TTC29: variants seen among roughly 807,000 people sequenced by gnomAD.
TTC29 encodes tetratricopeptide repeat domain 29, also known as tetratricopeptide repeat protein 29.
A neutral mutation model predicts 58.1 loss-of-function variants in TTC29; 49 were observed. The ratio of observed to expected loss-of-function variants is 0.84; its 90% CI spans 0.67 to 1.07. The LOEUF (loss-of-function observed/expected upper bound fraction) is 1.07. TTC29 is among the 50% of genes least tolerant of loss of function. The pLI is 0.00. For missense variants in TTC29, 582 were observed against 555.6 expected (o/e 1.05, Z -0.48); for synonymous variants, 209 against 196.8 (o/e 1.06, Z -0.52).
chr4:146,905,132 T>C lies in TTC29; in HGVS notation c.401-1403A>G, dbSNP rs367673559. On this transcript the variant is annotated intron_variant, in intron 5 of 12. Transcript: ENST00000325106. ...TAGCGCATGACCTAAGCTATTTATCTGACGCAAATACTCCCACCTCAGAAT... is the reference window on the plus strand; with the variant it reads ...TAGCGCATGACCTAAGCTATTTATCCGACGCAAATACTCCCACCTCAGAAT... Among the ~76,000 whole-genome samples the C allele has an allele frequency of 1.2e-4, 19 of 152,304 alleles. No individual in the cohort carries two copies. In the East Asian group the frequency reaches 3.3e-3, roughly 26 times the overall value.
chr4:146,918,561 C>G (rs1239391057), intron 4 of TTC29, among the ~76,000 whole-genome samples: 1 of 150,924 alleles, frequency 6.6e-6, no homozygotes, highest in Non-Finnish European at 1.5e-5. Flanking sequence ...TGTTTATAAA[C>G]CAAACTATAT....
At chr4:146,879,009 G>T (rs1394406446) in intron 6 of TTC29, among the ~76,000 whole-genome samples, 1 of 152,058 alleles carries the variant, frequency 6.6e-6, no homozygotes. Context: ...GTGGGGTCCT[G>T]ATTAGTAGTA....
intron 11 of TTC29, among the ~76,000 whole-genome samples, chr4:146,723,385 A>G (rs982365795): frequency 1.3e-5 from 2 of 152,242 alleles, no homozygotes; most frequent in Admixed American, 6.5e-5. Flanking sequence ...AAAATTTGAC[A>G]AGTGGGACCT....
intron 8 of TTC29, among the ~76,000 whole-genome samples, chr4:146,866,181 T>C (rs1730550696): frequency 6.6e-6 from 1 of 152,166 alleles, no homozygotes; most frequent in African/African-American, 2.4e-5. Flanking sequence ...TTTTATTGTA[T>C]TGTTTGAATT....
In TTC29 at chr4:146,792,187, C is replaced by T. The variant is rs548405158; in HGVS notation, c.1330+11270G>A. On this transcript the variant is annotated intron_variant, in intron 11 of 12. Transcript: ENST00000325106. ...CATTGGAAGAAGATGCTATCTAGGG[C>T]TTCCATAGCTAGAGAGGAGAAGTCA... 3.3e-5 allele frequency among the ~76,000 whole-genome samples: 5 copies of T among 152,294 alleles called. No homozygotes were observed. The South Asian group carries it at 1.0e-3, about 32-fold the overall frequency.
At chr4:146,917,411 T>G (rs1734297137) in intron 4 of TTC29, among the ~76,000 whole-genome samples, 1 of 148,732 alleles carries the variant, frequency 6.7e-6, no homozygotes, top group South Asian at 2.1e-4. Flanking sequence ...ATCACAGCCA[T>G]TATAATGATC....
At chr4:146,818,565 C>T (rs1055094969) in intron 10 of TTC29, among the ~76,000 whole-genome samples, 2 of 152,092 alleles carry the variant, frequency 1.3e-5, no homozygotes, top group African/African-American at 4.8e-5. Context: ...ACCATTTGAC[C>T]CAGATATCTC....
chr4:146,747,307 G>A (rs1745619467), intron 11 of TTC29, among the ~76,000 whole-genome samples: 1 of 152,140 alleles, frequency 6.6e-6, no homozygotes. Flanking sequence ...GCTAGAGTGT[G>A]TGTCCTACTC....
intron 11 of TTC29, among the ~76,000 whole-genome samples, chr4:146,728,838 CATATAT>C (rs1466068204): frequency 2.2e-5 from 2 of 89,216 alleles, no homozygotes; most frequent in African/African-American, 8.4e-5. Flanking sequence ...TATATATACA[CATATAT>C]ATGTATATAT....
At chr4:146,799,942 G>A (rs1286208431) in intron 11 of TTC29, among the ~76,000 whole-genome samples, 1 of 152,170 alleles carries the variant, frequency 6.6e-6, no homozygotes, top group Non-Finnish European at 1.5e-5. Context: ...AGAGATAATA[G>A]CTCTAGTAAG....
intron 11 of TTC29, among the ~76,000 whole-genome samples, chr4:146,769,290 C>T (rs1747546626): frequency 6.6e-6 from 1 of 151,930 alleles, no homozygotes; most frequent in Non-Finnish European, 1.5e-5. Context: ...TTTAGACAAA[C>T]ACTGACTTAT....
At chr4:146,932,530 T>C (rs1158463618) in intron 4 of TTC29, among the ~76,000 whole-genome samples, 2 of 152,186 alleles carry the variant, frequency 1.3e-5, no homozygotes. Context: ...CTTAAATAAA[T>C]GGCTTCATCT....
At chr4:146,775,370 G>A (rs1036023446) in intron 11 of TTC29, among the ~76,000 whole-genome samples, 1 of 152,056 alleles carries the variant, frequency 6.6e-6, no homozygotes, top group Non-Finnish European at 1.5e-5. Flanking sequence ...GTGTGTTTTT[G>A]TGGTGGCTGG....
chr4:146,941,140 C>T (rs536738624), intron 2 of TTC29, among the ~76,000 whole-genome samples: 3 of 152,260 alleles, frequency 2.0e-5, no homozygotes, highest in African/African-American at 7.2e-5. Context: ...GGTGCAAGGG[C>T]TGTCAGATAC....
At chr4:146,813,696 T>C (rs563481410) in intron 10 of TTC29, among the ~76,000 whole-genome samples, 3 of 152,212 alleles carry the variant, frequency 2.0e-5, no homozygotes, top group African/African-American at 7.2e-5. Context: ...AAAAATGAAA[T>C]AGAGGCTGGG....
intron 10 of TTC29, chr4:146,812,626 C>A (rs1332941126): frequency 6.6e-6 from 1 of 152,108 alleles, no homozygotes; most frequent in African/African-American, 2.4e-5. Context: ...ACTTAGTATT[C>A]CATCTGTAGA....
intron 11 of TTC29, among the ~76,000 whole-genome samples, chr4:146,738,664 G>T (rs1056982149): frequency 6.6e-6 from 1 of 152,068 alleles, no homozygotes; most frequent in African/African-American, 2.4e-5. Flanking sequence ...TCAGGGGTAG[G>T]CTTCAGGAAA....
chr4:146,860,754 G>C (rs1480224320), intron 8 of TTC29, among the ~76,000 whole-genome samples: 3 of 152,110 alleles, frequency 2.0e-5, no homozygotes, highest in South Asian at 4.1e-4. Flanking sequence ...CAAACCGTGG[G>C]AAGTAAAACC....
At chr4:146,785,319 T>G (rs942495260) in intron 11 of TTC29, among the ~76,000 whole-genome samples, 1 of 151,782 alleles carries the variant, frequency 6.6e-6, no homozygotes, top group Non-Finnish European at 1.5e-5. Flanking sequence ...CAGCCTCTAA[T>G]TTTTAATACA....
Sources: allele counts gnomAD v4.1 joint callset (sites outside exome capture counted in the v4.1 genomes callset), GRCh38; gene constraint gnomAD v4.1.1; transcripts MANE v1.5; gene names NCBI Gene and HGNC (gene_info 2026-07-23, HGNC 2026-07-21).